ADGRL3: variants seen among roughly 807,000 people sequenced by gnomAD.
ADGRL3 encodes the protein adhesion G protein-coupled receptor L3.
A neutral mutation model predicts 153.5 loss-of-function variants in ADGRL3; 62 were observed. The ratio of observed to expected loss-of-function variants is 0.40; its 90% CI spans 0.33 to 0.50. ADGRL3 has a LOEUF of 0.50. Among genes scored for constraint, ADGRL3 ranks in the 20% least tolerant of loss-of-function variants. The pLI is 0.47. For synonymous variants in ADGRL3, 710 were observed against 672.5 expected, an observed-to-expected ratio of 1.06 and a Z score of -0.86; for missense variants, 1,641 against 1,859.4, an observed-to-expected ratio of 0.88 and a Z score of 2.16.
rs2149383905 is a variant in ADGRL3 at position 61,246,386 on chromosome 4, C to G, written c.-240+44621C>G. Among the ~76,000 whole-genome samples, 2 of 152,120 alleles carry G rather than the reference C, an allele frequency of 1.3e-5. 1 individual carries two copies. Among genetic ancestry groups the G allele is most frequent in the South Asian group, 4.1e-4 (2 of 4,820 alleles). On this transcript the variant is annotated intron_variant, in intron 1 of 26. Transcript: ENST00000683033. ...GGTGCCTGACAGAACTTATATCAAG[C>G]ATCGGGGGGAGTTTAGTCATTGCTA...
At chr4:61,390,488 AT>A (rs1327169782) in intron 2 of ADGRL3, among the ~76,000 whole-genome samples, 2 of 152,188 alleles carry the variant, frequency 1.3e-5, no homozygotes, top group Non-Finnish European at 2.9e-5. Context: ...TAAACAGTGC[AT>A]TATTAGCTAT....
At chr4:61,488,349 T>G (rs985550837) in intron 2 of ADGRL3, among the ~76,000 whole-genome samples, 14 of 152,036 alleles carry the variant, frequency 9.2e-5, no homozygotes, top group African/African-American at 3.4e-4. Flanking sequence ...AAATAAATAT[T>G]ATTTGCCAGT....
At chr4:61,518,686 C>A (rs957384087) in intron 4 of ADGRL3, among the ~76,000 whole-genome samples, 1 of 152,162 alleles carries the variant, frequency 6.6e-6, no homozygotes, top group African/African-American at 2.4e-5. Flanking sequence ...TTCAGATTGG[C>A]CTTTCTGCCT....
chr4:61,762,574 T>A (rs2096925780), intron 8 of ADGRL3, among the ~76,000 whole-genome samples: 1 of 152,132 alleles, frequency 6.6e-6, no homozygotes, highest in Admixed American at 6.6e-5. Context: ...ATTTAACTAG[T>A]GTGACAATAA....
At chr4:61,524,776 T>C (rs1162729222) in intron 4 of ADGRL3, among the ~76,000 whole-genome samples, 5 of 152,130 alleles carry the variant, frequency 3.3e-5, no homozygotes, top group Non-Finnish European at 7.4e-5. Context: ...TTCTGTTTTA[T>C]AATAATCAAA....
At chr4:61,874,963 C>T (rs1262638049) in intron 9 of ADGRL3, among the ~76,000 whole-genome samples, 3 of 150,952 alleles carry the variant, frequency 2.0e-5, no homozygotes, top group Non-Finnish European at 3.0e-5. Context: ...CGCCCACCAC[C>T]GCGCCCGGCT....
At chr4:61,459,757 G>A (rs2097789210) in intron 2 of ADGRL3, among the ~76,000 whole-genome samples, 1 of 152,062 alleles carries the variant, frequency 6.6e-6, no homozygotes, top group Admixed American at 6.6e-5. Context: ...GGAATGAGAT[G>A]CTATCTCACT....
At position 61,497,191 on chromosome 4, in the gene ADGRL3, A is replaced by G. The variant is rs1334393499; in HGVS notation, c.-103A>G. The G allele has an allele frequency of 1.9e-5, 13 of 674,280 alleles. No individual in the cohort carries two copies. The highest frequency in any genetic ancestry group is 1.9e-4 in the South Asian group (10 of 51,992). 41.8% of individuals were successfully genotyped at this position (674,280 alleles called of 1,614,324 possible). A position where few individuals can be genotyped will look rare whatever the true frequency, so the allele number is the denominator to read the frequency against. ...CTTTTTCTTTTTAATTTGAAGAAAAATCATCAGTCTTGGAATACAGAAGAG... is the reference window on the plus strand; with the variant it reads ...CTTTTTCTTTTTAATTTGAAGAAAAGTCATCAGTCTTGGAATACAGAAGAG... On this transcript the variant is annotated 5_prime_UTR_variant, in exon 3 of 27. Transcript: ENST00000683033.
rs140908500 is a variant in ADGRL3, at chr4:61,303,540, C to T, written c.-239-79584C>T. ...TACCTGAAACTAGCTGTGACAGAAA[C>T]GGTTTCTGGAAAATATCATTATGTG... On this transcript the variant is annotated intron_variant, in intron 1 of 26. Transcript: ENST00000683033. 7.1e-3 allele frequency among the ~76,000 whole-genome samples: 1,077 copies of T among 151,702 alleles called. 13 individuals are homozygous for T. Among genetic ancestry groups the T allele is most frequent in the African/African-American group, 0.024 (997 of 41,342 alleles).
intron 9 of ADGRL3, among the ~76,000 whole-genome samples, chr4:61,876,310 C>T (rs976716774): frequency 6.7e-6 from 1 of 149,440 alleles, no homozygotes; most frequent in African/African-American, 2.5e-5. Flanking sequence ...AAGGGAACAA[C>T]ACTTAGTCCA....
intron 1 of ADGRL3, among the ~76,000 whole-genome samples, chr4:61,350,917 G>T (rs867836749): frequency 3.3e-5 from 5 of 152,210 alleles, no homozygotes; most frequent in African/African-American, 1.2e-4. Context: ...TCTAAGTGTT[G>T]AAGTGAAAGG....
chr4:61,801,386 A>G (rs1187038878), intron 8 of ADGRL3, among the ~76,000 whole-genome samples: 5 of 152,154 alleles, frequency 3.3e-5, no homozygotes, highest in Admixed American at 6.6e-5. Flanking sequence ...AATAATTTAT[A>G]TATGACATGA....
At chr4:61,518,187 C>T (rs558559527) in intron 4 of ADGRL3, among the ~76,000 whole-genome samples, 4 of 152,254 alleles carry the variant, frequency 2.6e-5, no homozygotes, top group African/African-American at 9.6e-5. Context: ...TTTTTATTTA[C>T]ATAATATTTA....
chr4:61,217,247 T>A (rs1419682329), intron 1 of ADGRL3, among the ~76,000 whole-genome samples: 1 of 152,150 alleles, frequency 6.6e-6, no homozygotes, highest in African/African-American at 2.4e-5. Flanking sequence ...TCCAGGATGC[T>A]TGAGAGTTTA....
At chr4:62,018,266 A>G (rs1044294962) in intron 21 of ADGRL3, among the ~76,000 whole-genome samples, 2 of 152,122 alleles carry the variant, frequency 1.3e-5, no homozygotes, top group African/African-American at 4.8e-5. Flanking sequence ...CAGAGCTCTC[A>G]AGAGCTTTGT....
At chr4:61,933,553 G>A (rs1287129556) in intron 13 of ADGRL3, among the ~76,000 whole-genome samples, 2 of 152,154 alleles carry the variant, frequency 1.3e-5, no homozygotes, top group African/African-American at 2.4e-5. Context: ...CAAGTTGTGA[G>A]TAGGATTATT....
intron 1 of ADGRL3, among the ~76,000 whole-genome samples, chr4:61,363,997 TAATA>T (rs1444797047): frequency 6.6e-6 from 1 of 151,944 alleles, no homozygotes; most frequent in Non-Finnish European, 1.5e-5. Context: ...CGTGGTCAAA[TAATA>T]AATAATATAT....
At chr4:61,478,393 G>A (rs1166382511) in intron 2 of ADGRL3, among the ~76,000 whole-genome samples, 1 of 150,316 alleles carries the variant, frequency 6.7e-6, no homozygotes. Flanking sequence ...AGAGAAAGGG[G>A]AAAAAAAAAG....
Position 61,594,394 on chromosome 4 carries a change from G to A in ADGRL3, c.473+6954G>A, listed in dbSNP as rs981227260. ...TCTTCAGTGTTTGGTAATTAAAGAG[G>A]TAGATATTTATTGTAGTCTTTACAG... On this transcript the variant is annotated intron_variant, in intron 5 of 26. Coordinates refer to ENST00000683033, the MANE Select transcript of ADGRL3 (RefSeq NM_001387552.1). Among the ~76,000 whole-genome samples the A allele has an allele frequency of 4.6e-5, 7 of 152,086 alleles. 1 individual carries two copies. In the South Asian group the frequency reaches 1.4e-3, roughly 31 times the overall value.
Sources: allele counts gnomAD v4.1 joint callset (sites outside exome capture counted in the v4.1 genomes callset), GRCh38; gene constraint gnomAD v4.1.1; transcripts MANE v1.5; gene names NCBI Gene and HGNC (gene_info 2026-07-23, HGNC 2026-07-21).